The following USP13 variants were observed in gnomAD, a reference collection of about 807,000 sequenced individuals.
USP13 encodes the protein ubiquitin specific peptidase 13.
Under a neutral mutation model 107.8 loss-of-function variants are expected in USP13, and 68 were observed. The observed-to-expected ratio is 0.63, with a 90% CI of 0.52 to 0.77. The LOEUF (loss-of-function observed/expected upper bound fraction) is 0.77. Among genes scored for constraint, USP13 ranks in the 30% least tolerant of loss-of-function variants. The probability of loss-of-function intolerance (pLI) is 0.00; values close to 1 mark genes in which losing one functional copy is unlikely to be tolerated. For missense variants in USP13, 945 were observed against 1,093.3 expected (o/e 0.86, Z 1.91); for synonymous variants, 377 against 389.5 (o/e 0.97, Z 0.38).
At chr3:179,710,899 A>G (rs1306922180) in intron 6 of USP13, among the ~76,000 whole-genome samples, 1 of 152,208 alleles carries the variant, frequency 6.6e-6, no homozygotes, top group Non-Finnish European at 1.5e-5. Flanking sequence ...ACAACATGGT[A>G]TAAAAGATAG....
At chr3:179,747,861 T>G (rs9862659) in intron 13 of USP13, among the ~76,000 whole-genome samples, 4,898 of 152,302 alleles carry the variant, frequency 0.032, 256 homozygotes, top group African/African-American at 0.11. Context: ...GAGGAGGGGT[T>G]TCTGCTTCCT....
intron 7 of USP13, 95 bp downstream of exon 7, chr3:179,720,129 C>T (rs1486285635): frequency 3.6e-6 from 3 of 828,016 alleles, no homozygotes; most frequent in South Asian, 4.7e-5. Context: ...TATAATTCCT[C>T]TAACGTGGAT....
chr3:179,736,040 T>TA, intron 10 of USP13, among the ~76,000 whole-genome samples: 1 of 152,214 alleles, frequency 6.6e-6, no homozygotes, highest in East Asian at 1.9e-4. Context: ...TTCATCTCTT[T>TA]AAAAAAAGCT....
At chr3:179,655,548 G>GTTTTTTTTTTTTTTTTTTTTTTTTTTT (rs150977876) in intron 1 of USP13, among the ~76,000 whole-genome samples, 5 of 131,426 alleles carry the variant, frequency 3.8e-5, no homozygotes, top group South Asian at 2.4e-4. Context: ...TAATGGGAAG[G>GTTTTTTTTTTTTTTTTTTTTTTTTTTT]TTTTTTTTGT....
intron 19 of USP13, among the ~76,000 whole-genome samples, chr3:179,767,427 GGT>G (rs1715212160): frequency 6.8e-6 from 1 of 147,420 alleles, no homozygotes; most frequent in Admixed American, 6.7e-5. Context: ...AGTTTTTTTT[GGT>G]TTTTTTTTTT....
intron 1 of USP13, among the ~76,000 whole-genome samples, chr3:179,677,100 C>T (rs973796561): frequency 1.5e-4 from 23 of 151,818 alleles, no homozygotes; most frequent in Non-Finnish European, 1.5e-4. Flanking sequence ...TCAAATGATC[C>T]ACCTGCCTCG....
intron 12 of USP13, among the ~76,000 whole-genome samples, chr3:179,743,482 G>A (rs1714279103): frequency 6.6e-6 from 1 of 151,896 alleles, no homozygotes; most frequent in African/African-American, 2.4e-5. Context: ...AGTTTATGAT[G>A]TTAGTTGGAA....
intron 6 of USP13, among the ~76,000 whole-genome samples, chr3:179,712,555 C>G (rs1220079210): frequency 6.6e-6 from 1 of 151,886 alleles, no homozygotes; most frequent in Non-Finnish European, 1.5e-5. Context: ...CCTTATTTTT[C>G]TCTATTTAAC....
intron 1 of USP13, among the ~76,000 whole-genome samples, chr3:179,676,210 G>C (rs926527484): frequency 6.6e-6 from 1 of 152,194 alleles, no homozygotes; most frequent in Non-Finnish European, 1.5e-5. Flanking sequence ...CAGCCATGCG[G>C]AACTGTGAGT....
chr3:179,712,020 C>G (rs1300422384), intron 6 of USP13, among the ~76,000 whole-genome samples: 1 of 152,154 alleles, frequency 6.6e-6, no homozygotes, highest in African/African-American at 2.4e-5. Context: ...GGTTATATCA[C>G]TAGGTGGCAG....
At chr3:179,676,321 A>G (rs1720891042) in intron 1 of USP13, among the ~76,000 whole-genome samples, 1 of 152,094 alleles carries the variant, frequency 6.6e-6, no homozygotes, top group Non-Finnish European at 1.5e-5. Flanking sequence ...TTCCAGTTGC[A>G]TTTCACTGTC....
chr3:179,780,788 G>A (rs1715718657), intron 19 of USP13, among the ~76,000 whole-genome samples: 1 of 152,138 alleles, frequency 6.6e-6, no homozygotes, highest in South Asian at 2.1e-4. Flanking sequence ...AGACAGAGGG[G>A]TAAGAGAAAA....
chr3:179,718,593 T>C (rs1272531765), intron 6 of USP13, among the ~76,000 whole-genome samples: 1 of 152,172 alleles, frequency 6.6e-6, no homozygotes, highest in African/African-American at 2.4e-5. Context: ...CTTGAAAATG[T>C]CTCTTCTGTC....
At chr3:179,655,572 T>G (rs566301899) in intron 1 of USP13, among the ~76,000 whole-genome samples, 10 of 150,062 alleles carry the variant, frequency 6.7e-5, no homozygotes, top group Admixed American at 3.3e-4. Context: ...GTTTTGTTTT[T>G]TTTTTGAGTT....
At chr3:179,683,877 A>AT (rs1711762290) in intron 2 of USP13, among the ~76,000 whole-genome samples, 1 of 152,120 alleles carries the variant, frequency 6.6e-6, no homozygotes, top group African/African-American at 2.4e-5. Flanking sequence ...ATGGGAATCT[A>AT]TTTTTTCATA....
At chr3:179,699,895 C>G (rs1712457989) in intron 3 of USP13, among the ~76,000 whole-genome samples, 1 of 151,684 alleles carries the variant, frequency 6.6e-6, no homozygotes, top group South Asian at 2.1e-4. Flanking sequence ...GAATCTAGAT[C>G]CTTTGGTTCT....
At chr3:179,753,131 T>TAA (rs1478252470) in intron 14 of USP13, among the ~76,000 whole-genome samples, 2 of 152,232 alleles carry the variant, frequency 1.3e-5, no homozygotes, top group Non-Finnish European at 2.9e-5. Context: ...GCCAGTCTTT[T>TAA]AAAGTTTTTA....
chr3:179,736,810 A>G (rs889803188), intron 10 of USP13, among the ~76,000 whole-genome samples: 3 of 152,244 alleles, frequency 2.0e-5, no homozygotes, highest in Non-Finnish European at 4.4e-5. Flanking sequence ...ATGATGGCCC[A>G]GAGCAGCAGC....
At chr3:179,758,306 C>T (rs1714876775) in intron 16 of USP13, among the ~76,000 whole-genome samples, 1 of 152,106 alleles carries the variant, frequency 6.6e-6, no homozygotes, top group Non-Finnish European at 1.5e-5. Context: ...GATCTCACTC[C>T]ATGGGAAGTG....
Sources: gnomAD v4.1 joint callset for allele counts (sites outside exome capture counted in the v4.1 genomes callset) on GRCh38, gnomAD v4.1.1 for gene constraint, MANE v1.5 for transcripts, NCBI Gene and HGNC (gene_info 2026-07-23, HGNC 2026-07-21) for gene names.